The following ADGRB3 variants were observed in gnomAD, a reference collection of about 807,000 sequenced individuals.
The protein encoded by ADGRB3 is adhesion G protein-coupled receptor B3.
ADGRB3 carries 37 observed loss-of-function variants against 193.4 expected under a neutral mutation model. The observed-to-expected ratio is 0.19, with a 90% CI of 0.15 to 0.25. The LOEUF (loss-of-function observed/expected upper bound fraction) is 0.25. Ranked by LOEUF, ADGRB3 falls within the 10% of genes least tolerant of loss-of-function variation. The pLI, the probability that ADGRB3 is intolerant of heterozygous loss-of-function variation, is 1.00. For missense variants in ADGRB3, 1,637 were observed against 1,852.9 expected (o/e 0.88, Z 2.14); for synonymous variants, 690 against 644.2 (o/e 1.07, Z -1.08).
intron 20 of ADGRB3, among the ~76,000 whole-genome samples, chr6:69,239,544 T>G (rs1271218670): frequency 1.3e-5 from 2 of 152,016 alleles, no homozygotes; most frequent in Non-Finnish European, 2.9e-5. Context: ...AGTCTAATTG[T>G]AAGAAGATCT....
At chr6:69,357,818 G>A (rs896422825) in intron 28 of ADGRB3, among the ~76,000 whole-genome samples, 4 of 151,816 alleles carry the variant, frequency 2.6e-5, no homozygotes, top group African/African-American at 9.7e-5. Flanking sequence ...CTAACAAAAT[G>A]TTGTCAGGAT....
intron 13 of ADGRB3, among the ~76,000 whole-genome samples, chr6:69,023,328 T>C (rs910150613): frequency 2.6e-5 from 4 of 152,162 alleles, no homozygotes; most frequent in Non-Finnish European, 4.4e-5. Flanking sequence ...GTTAGTGCTT[T>C]ATTCCAGGAG....
At chr6:69,019,694 G>C (rs1770203977) in intron 13 of ADGRB3, among the ~76,000 whole-genome samples, 1 of 151,966 alleles carries the variant, frequency 6.6e-6, no homozygotes, top group African/African-American at 2.4e-5. Flanking sequence ...TAATCAGAGA[G>C]TTTAACATCT....
At chr6:68,916,234 A>C (rs369324187) in intron 3 of ADGRB3, among the ~76,000 whole-genome samples, 119 of 152,318 alleles carry the variant, frequency 7.8e-4, no homozygotes, top group African/African-American at 2.4e-3. Flanking sequence ...TTAAACATAC[A>C]ATTACTAAAA....
At position 69,251,416 on chromosome 6, in the gene ADGRB3, T is replaced by C. The variant is rs76757175; in HGVS notation, c.2814+12190T>C. On this transcript the variant is annotated intron_variant, in intron 20 of 31. Coordinates refer to ENST00000370598, the MANE Select transcript of ADGRB3 (RefSeq NM_001704.3). ...TACTTTGTAATCTTATTTTAATTAA[T>C]ATCCAGAAGAGAAAGAACATTATCT... Among the ~76,000 whole-genome samples the C allele has an allele frequency of 4.9e-3, 750 of 152,290 alleles. 10 individuals carry two copies. The highest frequency in any genetic ancestry group is 0.017 in the African/African-American group (719 of 41,560).
chr6:68,742,064 T>C (rs1234495702), intron 3 of ADGRB3, among the ~76,000 whole-genome samples: 1 of 152,188 alleles, frequency 6.6e-6, no homozygotes, highest in East Asian at 1.9e-4. Flanking sequence ...GAAAACTACA[T>C]GGAAACACTT....
chr6:69,184,595 C>A (rs1204422263), intron 17 of ADGRB3, among the ~76,000 whole-genome samples: 2 of 151,956 alleles, frequency 1.3e-5, no homozygotes, highest in African/African-American at 4.8e-5. Context: ...CAATTATAAA[C>A]TAGCTTAGCA....
In ADGRB3 at chr6:69,048,246, A is replaced by G. The variant is rs752795088; in HGVS notation, c.2169A>G (p.Lys723=). 8 of 1,613,724 alleles carry G rather than the reference A, an allele frequency of 5.0e-6. No homozygotes were observed. Among genetic ancestry groups the G allele is most frequent in the Non-Finnish European group, 5.9e-6 (7 of 1,179,738 alleles). ...SVLTDINFPM[K]GRKGMVDWAR... is the part of the protein sequence containing the mutation. ...TAACAGACATCAACTTTCCAATGAA[A>G]GGACGGAAGGGAATGGTTGACTGGG... is the stretch of plus-strand genomic sequence containing the variant. The change falls in exon 14 of 32, where the codon AAA becomes AAG. Residue 723 remains lysine, a synonymous_variant. Coordinates refer to ENST00000370598, the MANE Select transcript of ADGRB3 (RefSeq NM_001704.3).
intron 20 of ADGRB3, among the ~76,000 whole-genome samples, chr6:69,306,978 G>A (rs986787113): frequency 9.9e-5 from 15 of 151,144 alleles, no homozygotes; most frequent in African/African-American, 2.7e-4. Context: ...TGCAATTCCT[G>A]CAATGCCTGG....
Position 68,858,070 on chromosome 6 carries a change from G to A in ADGRB3, c.758-72489G>A, listed in dbSNP as rs114204469. On this transcript the variant is annotated intron_variant, in intron 3 of 31. Coordinates refer to ENST00000370598, the MANE Select transcript of ADGRB3 (RefSeq NM_001704.3). ...GAGGCTTCCTCATCCATGTTGAACTGTGAGTTCTCCATTAACCCTCTTTTG... is the reference window on the plus strand; with the variant it reads ...GAGGCTTCCTCATCCATGTTGAACTATGAGTTCTCCATTAACCCTCTTTTG... 1.7e-3 allele frequency among the ~76,000 whole-genome samples: 263 copies of A among 152,252 alleles called. 1 individual carries two copies. The highest frequency in any genetic ancestry group is 6.8e-3 in the Middle Eastern group (2 of 294).
intron 3 of ADGRB3, among the ~76,000 whole-genome samples, chr6:68,742,180 C>G (rs188130938): frequency 6.5e-4 from 99 of 152,260 alleles, no homozygotes; most frequent in Non-Finnish European, 1.0e-3. Context: ...TGTTTTCTCC[C>G]CAGTCTTATC....
chr6:68,648,326 A>C (rs13194468), intron 3 of ADGRB3, among the ~76,000 whole-genome samples: 1 of 152,128 alleles, frequency 6.6e-6, no homozygotes, highest in Non-Finnish European at 1.5e-5. Context: ...CATGTTATAA[A>C]ATATGAAGGT....
chr6:68,832,129 A>C (rs1767967964), intron 3 of ADGRB3, among the ~76,000 whole-genome samples: 1 of 152,186 alleles, frequency 6.6e-6, no homozygotes, highest in Non-Finnish European at 1.5e-5. Flanking sequence ...CAAAGCGTGA[A>C]TAATCTAGTA....
chr6:69,161,570 C>T (rs1680557), intron 17 of ADGRB3, among the ~76,000 whole-genome samples: 15,419 of 152,032 alleles, frequency 0.1, 888 homozygotes, highest in Non-Finnish European at 0.11. Flanking sequence ...TATCCATTAT[C>T]TATGGTTGCC....
chr6:68,940,843 G>C (rs1767623295), intron 5 of ADGRB3, among the ~76,000 whole-genome samples: 1 of 152,140 alleles, frequency 6.6e-6, no homozygotes, highest in Non-Finnish European at 1.5e-5. Context: ...AGTGAGCCGA[G>C]ATCGTGCCAC....
intron 21 of ADGRB3, among the ~76,000 whole-genome samples, chr6:69,327,133 G>C (rs1768591665): frequency 6.9e-6 from 1 of 145,416 alleles, no homozygotes; most frequent in Non-Finnish European, 1.5e-5. Context: ...TGAAAAGAAG[G>C]CATAACCAAA....
At chr6:69,359,489 TAAAG>T (rs1373299073) in intron 28 of ADGRB3, among the ~76,000 whole-genome samples, 2 of 105,698 alleles carry the variant, frequency 1.9e-5, no homozygotes, top group Admixed American at 8.8e-5. Context: ...CTGCCTAAGA[TAAAG>T]AGACAATAAT....
Position 69,048,391 on chromosome 6 carries a change from T to G in ADGRB3, c.2257+57T>G, listed in dbSNP as rs143620825. 5.6e-5 allele frequency: 85 copies of G among 1,511,702 alleles called. No homozygotes were observed. In the African/African-American group the frequency reaches 1.1e-3, roughly 19 times the overall value. The allele number at this position is 1,511,702 out of a possible 1,614,324, so 93.6% of individuals were successfully genotyped here. On this transcript the variant is annotated intron_variant, in intron 14 of 31. Transcript: ENST00000370598. The stretch of plus-strand genomic sequence containing the variant: ...AGACATTTTTGATAAGGTCATTTAA[T>G]TAGAAATTAGGTATAAATCTTCATA...
At chr6:69,316,434 G>GAC (rs1298833362) in intron 20 of ADGRB3, among the ~76,000 whole-genome samples, 1 of 151,338 alleles carries the variant, frequency 6.6e-6, no homozygotes, top group Non-Finnish European at 1.5e-5. Flanking sequence ...ATCATATATT[G>GAC]ACACATTGAG....
Sources: allele counts gnomAD v4.1 joint callset (sites outside exome capture counted in the v4.1 genomes callset), GRCh38; gene constraint gnomAD v4.1.1; transcripts MANE v1.5; gene names NCBI Gene and HGNC (gene_info 2026-07-23, HGNC 2026-07-21).